CYP2A7: variants seen among roughly 807,000 people sequenced by gnomAD.
CYP2A7 encodes cytochrome P450 2A7.
A neutral mutation model predicts 42.0 loss-of-function variants in CYP2A7; 36 were observed. That is an observed-to-expected ratio of 0.86 (90% CI 0.66 to 1.13). The LOEUF (loss-of-function observed/expected upper bound fraction) is 1.13, where lower values mean the gene tolerates loss of function less well. Ranked by LOEUF, CYP2A7 falls within the 50% of genes most tolerant of loss-of-function variation. The pLI, the probability that CYP2A7 is intolerant of heterozygous loss-of-function variation, is 0.00. For synonymous variants in CYP2A7, 260 were observed against 249.5 expected (o/e 1.04, Z -0.40); for missense variants, 661 against 634.1 (o/e 1.04, Z -0.46).
In CYP2A7 at chr19:40,881,732, G is replaced by A. The variant is rs745378046; in HGVS notation, c.200C>T (p.Pro67Leu). 6.3e-7 allele frequency: 1 copy of A among 1,590,698 alleles called. No homozygotes were observed. The highest frequency in any genetic ancestry group is 8.6e-7 in the Non-Finnish European group (1 of 1,169,370). ...SIMKFSECYG[P>L]VFTIHLGPRR... is the part of the protein sequence containing the mutation. The stretch of plus-strand genomic sequence containing the variant: ...GGGCCCCAAGTGAATGGTGAACACG[G>A]GGCCATAGCACTCACTGAACTGATG... Residue 67 changes from proline (P) to leucine (L), a missense_variant, in exon 2 of 9, where the codon CCC becomes CTC. Physicochemically the swap from Pro to Leu is moderately conservative, Grantham distance 98. Around this residue, in one of 3 missense-constraint regions of CYP2A7, gnomAD observed 614 missense variants for 552.4 expected, o/e 1.11. Transcript: ENST00000301146.
At chr19:40,881,269 CAAAT>C (rs2145153116) in intron 2 of CYP2A7, among the ~76,000 whole-genome samples, 1 of 151,400 alleles carries the variant, frequency 6.6e-6, no homozygotes, top group Non-Finnish European at 1.5e-5. Flanking sequence ...AACAAAAAGA[CAAAT>C]GAAGACAGAG....
rs765779172 is a variant in CYP2A7, at chr19:40,882,090, G to A, written c.121C>T (p.Pro41Ser). The A allele has an allele frequency of 2.5e-6, 4 of 1,613,958 alleles. 1 individual carries two copies. The South Asian group carries it at 4.4e-5, about 18-fold the overall frequency. Residue 41 changes from proline to serine, a missense_variant, in exon 1 of 9, where the codon CCC becomes TCC. Pro to Ser is a moderately conservative substitution (Grantham distance 74, BLOSUM62 -1). Coordinates refer to ENST00000301146, the MANE Select transcript of CYP2A7 (RefSeq NM_000764.3). ...GKLPPGPTPL[P>S]FIGNYLQLNT... ...AGCTGGAGGTAGTTTCCAATGAAGG[G>A]CAGTGGGGTGGGTCCCGGAGGCAGC...
At position 40,881,635 on chromosome 19, in the gene CYP2A7, G is replaced by A. The variant is rs112051160; in HGVS notation, c.297C>T (p.Ser99=). ...CGAAGGTGGCTTGCTCGCCTCGCCC[G>A]CTGAACTCCTCAGCCTGGTCCACCA... is the stretch of plus-strand genomic sequence containing the variant. ...EALVDQAEEF[S]GRGEQATFDW... The change falls in exon 2 of 9, where the codon AGC becomes AGT. Residue 99 remains serine, a synonymous_variant. Coordinates refer to ENST00000301146, the MANE Select transcript of CYP2A7 (RefSeq NM_000764.3). 3.8e-5 allele frequency: 61 copies of A among 1,612,872 alleles called. No homozygotes were observed. Among genetic ancestry groups the A allele is most frequent in the African/African-American group, 3.7e-4 (28 of 74,934 alleles).
rs764289218 is a variant in CYP2A7, at chr19:40,876,710, G to C, written c.1162-42C>G. 1.9e-6 allele frequency: 3 copies of C among 1,582,586 alleles called. No homozygotes were observed. The African/African-American group carries it at 4.0e-5, about 21-fold the overall frequency. On this transcript the variant is annotated intron_variant, in intron 7 of 8. Coordinates refer to ENST00000301146, the MANE Select transcript of CYP2A7 (RefSeq NM_000764.3). ...AGTTGTGTGTGATGAGGAGGGTCGG[G>C]GGATTGGTGAAAGTACACAGGGGCT... is the stretch of plus-strand genomic sequence containing the variant.
rs201968585 is a variant in CYP2A7, at chr19:40,880,531, C to T, written c.441G>A (p.Glu147=). 42 of 1,612,014 alleles carry T rather than the reference C, an allele frequency of 2.6e-5. 2 individuals carry two copies. The highest frequency in any genetic ancestry group is 3.3e-5 in the Non-Finnish European group (39 of 1,178,864). Residue 147 remains glutamate, a synonymous_variant, in exon 3 of 9, where the codon GAG becomes GAA. Transcript: ENST00000301146. ...DFGVGKRGIE[E]RIQEESGFLI... The stretch of plus-strand genomic sequence containing the variant: ...GGAAGCCCGACTCCTCCTGGATGCG[C>T]TCCTCGATGCCTCGCTTGCCCACCC...
At chr19:40,880,396 C>G in intron 3 of CYP2A7, 83 bp downstream of exon 3, 1 of 1,566,472 alleles carries the variant, frequency 6.4e-7, no homozygotes, top group East Asian at 2.3e-5. Flanking sequence ...CACCTAGTCC[C>G]CATCCGCAGG....
intron 2 of CYP2A7, among the ~76,000 whole-genome samples, chr19:40,881,319 C>CA (rs1967677670): frequency 6.6e-6 from 1 of 150,670 alleles, no homozygotes; most frequent in South Asian, 2.1e-4. Flanking sequence ...AGGATGTCCT[C>CA]AGAGATGGAG....
In CYP2A7 at chr19:40,875,543, G is replaced by C. The variant is rs696839; in HGVS notation, c.*150C>G. The stretch of plus-strand genomic sequence containing the variant: ...GCACCTTATCAAGGTGAACTGAGCC[G>C]CTTCTGTTTCTTCTCTTCCCTCTAG... On this transcript the variant is annotated 3_prime_UTR_variant, in exon 9 of 9. Coordinates refer to ENST00000301146, the MANE Select transcript of CYP2A7 (RefSeq NM_000764.3). The C allele has an allele frequency of 0.69, 775,931 of 1,123,544 alleles. 253,563 individuals carry two copies. Among genetic ancestry groups the C allele is most frequent in the East Asian group, 0.88 (34,309 of 39,026 alleles). 69.6% of individuals were successfully genotyped at this position (1,123,544 alleles called of 1,614,324 possible).
chr19:40,879,659 G>T (rs991816090), intron 4 of CYP2A7, among the ~76,000 whole-genome samples: 6 of 151,546 alleles, frequency 4.0e-5, no homozygotes, highest in Admixed American at 1.3e-4. Flanking sequence ...GGCTAATCTG[G>T]GACATTTGTG....
chr19:40,877,158 C>T (rs199686117), intron 7 of CYP2A7, 32 bp downstream of exon 7: 3 of 1,607,808 alleles, frequency 1.9e-6, no homozygotes, highest in South Asian at 1.1e-5. Context: ...GGCTGGAAGT[C>T]CCCGTAGTCT....
rs375736967 is a variant in CYP2A7, at chr19:40,881,545, T to C, written c.343+44A>G. 13 of 1,608,730 alleles carry C rather than the reference T, an allele frequency of 8.1e-6. No individual in the cohort carries two copies. The African/African-American group carries it at 1.7e-4, about 22-fold the overall frequency. On this transcript the variant is annotated intron_variant, in intron 2 of 8. Coordinates refer to ENST00000301146, the MANE Select transcript of CYP2A7 (RefSeq NM_000764.3). ...GAGAAGGCTGGCAACACTGAGACCA[T>C]CGTGTCCGCCTGGCCACCTTCCCCA...
At chr19:40,876,689 GT>G (rs1967539278) in intron 7 of CYP2A7, 21 bp from the exon 8 acceptor site, 1 of 1,605,826 alleles carries the variant, frequency 6.2e-7, no homozygotes, top group Admixed American at 1.7e-5. Context: ...GGAGGAAGTT[GT>G]GTGTGATGAG....
rs1260042810 is a variant in CYP2A7 at position 40,876,246 on chromosome 19, A to T, written c.1303+281T>A. The stretch of plus-strand genomic sequence containing the variant: ...CTTCTTGCCAGATACACTTGCAAAT[A>T]TGACTGCTGTGCCGTCATCTCCTTT... On this transcript the variant is annotated intron_variant, in intron 8 of 8. Transcript: ENST00000301146. 6 of 601,396 alleles carry T rather than the reference A, an allele frequency of 1.0e-5. No individual in the cohort carries two copies. The Admixed American group carries it at 1.9e-4, about 19-fold the overall frequency. The allele number at this position is 601,396 out of a possible 1,614,324, so 37.3% of individuals were successfully genotyped here.
At position 40,882,028 on chromosome 19, in the gene CYP2A7, C is replaced by A. The variant is rs1967706409; in HGVS notation, c.180+3G>T. 2 of 1,611,238 alleles carry A rather than the reference C, an allele frequency of 1.2e-6. No individual in the cohort carries two copies. The highest frequency in any genetic ancestry group is 1.7e-5 in the Admixed American group (1 of 59,904). ...TGCCACCCATCTTCCTGCCTTGGGA[C>A]ACCTTCATGATGGAGTCACATATGT... On this transcript the variant is annotated splice_donor_region_variant and intron_variant, in intron 1 of 8. Transcript: ENST00000301146.
rs111390860 is a variant in CYP2A7, at chr19:40,877,210, G to A, written c.1141C>T (p.Arg381Trp). Reference sequence around the variant, plus strand: ...AGCACCTTAGGGAGGAAAAAATCCCGAAACTTGGTGTCCTTTTTAACCCTG... The same window carrying A: ...AGCACCTTAGGGAGGAAAAAATCCCAAAACTTGGTGTCCTTTTTAACCCTG... Reference protein sequence around the residue: ...ARRVKKDTKFRDFFLPKGTEV... With the variant: ...ARRVKKDTKFWDFFLPKGTEV... Residue 381 changes from arginine to tryptophan, a missense_variant, in exon 7 of 9, where the codon CGG (arginine) becomes TGG (tryptophan). Transcript: ENST00000301146. 0.025 allele frequency: 40,352 copies of A among 1,612,660 alleles called. 1,458 individuals are homozygous for A. The highest frequency in any genetic ancestry group is 0.03 in the Non-Finnish European group (35,738 of 1,179,086).
Position 40,876,685 on chromosome 19 carries a change from A to G in CYP2A7, c.1162-17T>C, listed in dbSNP as rs747437362. On this transcript the variant is annotated splice_polypyrimidine_tract_variant and intron_variant, in intron 7 of 8. Transcript: ENST00000301146. ...TTCGGTGCCCTGGTAGGGAGGAGGA[A>G]GTTGTGTGTGATGAGGAGGGTCGGG... The G allele has an allele frequency of 6.2e-7, 1 of 1,607,170 alleles. No individual in the cohort carries two copies. Among genetic ancestry groups the G allele is most frequent in the Non-Finnish European group, 8.5e-7 (1 of 1,175,708 alleles).
Position 40,877,843 on chromosome 19 carries a change from C to T in CYP2A7, c.973+9G>A. 6.3e-7 allele frequency: 1 copy of T among 1,598,712 alleles called. No homozygotes were observed. Among genetic ancestry groups the T allele is most frequent in the Non-Finnish European group, 8.5e-7 (1 of 1,173,584 alleles). On this transcript the variant is annotated intron_variant, in intron 6 of 8. Coordinates refer to ENST00000301146, the MANE Select transcript of CYP2A7 (RefSeq NM_000764.3). ...GGGGCCCTCCACTTCCGTCCCCCTC[C>T]AGCCTTACCCTCCACCTCTGGGTGC...
chr19:40,881,608 G>T lies in CYP2A7; in HGVS notation c.324C>A (p.Asp108Glu). 2.5e-6 allele frequency: 4 copies of T among 1,612,218 alleles called. No homozygotes were observed. The highest frequency in any genetic ancestry group is 3.4e-6 in the Non-Finnish European group (4 of 1,179,638). Residue 108 changes from aspartate to glutamate, a missense_variant, in exon 2 of 9, where the codon GAC (aspartate) becomes GAA (glutamate). Around this residue, in one of 3 missense-constraint regions of CYP2A7, gnomAD observed 614 missense variants for 552.4 expected, o/e 1.11. Coordinates refer to ENST00000301146, the MANE Select transcript of CYP2A7 (RefSeq NM_000764.3). ...FSGRGEQATF[D>E]WVFKGYGVAF... ...CCTCACCATAGCCTTTGAAGACCCA[G>T]TCGAAGGTGGCTTGCTCGCCTCGCC...
chr19:40,875,778 G>T lies in CYP2A7; in HGVS notation c.1400C>A (p.Ser467Ter), dbSNP rs58682606. 86,023 of 1,593,282 alleles carry T rather than the reference G, an allele frequency of 0.054. 4,331 individuals are homozygous for T. Among genetic ancestry groups the T allele is most frequent in the Middle Eastern group, 0.11 (646 of 5,956 alleles). Residue 467 changes from serine (S) to a stop codon, truncating the protein, a stop_gained, in exon 9 of 9, where the codon TCA becomes TAA. Transcript: ENST00000301146. LOFTEE classifies it low-confidence loss of function (END_TRUNC). Reference protein sequence around the residue: ...MQNFRLKSSQSPKDIDVSPKH... With the variant: ...MQNFRLKSSQ ...GGGGGACACGTCAATGTCCTTAGGTGACTGGGAGGACTTGAGGCGGAAGTT... is the reference window on the plus strand; with the variant it reads ...GGGGGACACGTCAATGTCCTTAGGTTACTGGGAGGACTTGAGGCGGAAGTT...
Sources: gnomAD v4.1 joint callset for allele counts (sites outside exome capture counted in the v4.1 genomes callset) on GRCh38, gnomAD v4.1.1 for gene constraint, gnomAD v4.1.1 regional missense constraint, MANE v1.5 for transcripts, NCBI Gene and HGNC (gene_info 2026-07-23, HGNC 2026-07-21) for gene names.